DNAJB14: variants seen among roughly 807,000 people sequenced by gnomAD.
DNAJB14 encodes the protein dnaJ homolog subfamily B member 14.
DNAJB14 carries 22 observed loss-of-function variants against 48.4 expected under a neutral mutation model. The observed-to-expected ratio is 0.45, with a 90% CI of 0.32 to 0.65. The LOEUF (loss-of-function observed/expected upper bound fraction) is 0.65. DNAJB14 is among the 30% of genes least tolerant of loss of function. DNAJB14 has a pLI of 0.03. For missense variants in DNAJB14, 319 were observed against 458.8 expected, an observed-to-expected ratio of 0.70 and a Z score of 2.78; for synonymous variants, 142 against 158.7, an observed-to-expected ratio of 0.89 and a Z score of 0.79.
intron 1 of DNAJB14, among the ~76,000 whole-genome samples, chr4:99,939,304 G>T (rs1428664773): frequency 6.6e-6 from 1 of 152,248 alleles, no homozygotes; most frequent in East Asian, 1.9e-4. Context: ...GGAGGTTGCA[G>T]TGAGCCAGGA....
In DNAJB14 at chr4:99,897,068, T is replaced by A. The variant is rs1308624479; in HGVS notation, c.*3960A>T. The A allele has an allele frequency of 6.6e-6, 1 of 151,956 alleles. No individual in the cohort carries two copies. Among genetic ancestry groups the A allele is most frequent in the African/African-American group, 2.4e-5 (1 of 41,386 alleles). The allele number at this position is 151,956 out of a possible 1,614,324, so 9.4% of individuals were successfully genotyped here. ...CAACAAATAATTCACACCAATGAAA[T>A]TGTGTTGACTGATTTTCAAAGTCAG... On this transcript the variant is annotated 3_prime_UTR_variant, in exon 8 of 8. Coordinates refer to ENST00000442697, the MANE Select transcript of DNAJB14 (RefSeq NM_001031723.4).
chr4:99,924,659 A>C, intron 2 of DNAJB14: 1 of 1,492,518 alleles, frequency 6.7e-7, no homozygotes, highest in Non-Finnish European at 9.1e-7. Flanking sequence ...TAAACAAAAA[A>C]AGAGAATGAT....
Position 99,903,825 on chromosome 4 carries a change from T to C in DNAJB14, c.916A>G (p.Asn306Asp). Residue 306 changes from asparagine (N) to aspartate (D), a missense_variant, in exon 7 of 8, where the codon AAT becomes GAT. Transcript: ENST00000442697. The part of the protein sequence containing the change: ...VVYYVNKDFK[N>D]EYKGMLLQKV... ...TGTAATAACATTCCTTTATATTCAT[T>C]TTTGAAGTCCTTGTTGACATAATAA... 1 of 1,613,106 alleles carries C rather than the reference T, an allele frequency of 6.2e-7. No individual in the cohort carries two copies. The highest frequency in any genetic ancestry group is 8.5e-7 in the Non-Finnish European group (1 of 1,179,468).
chr4:99,932,220 A>G (rs1258191494), intron 1 of DNAJB14, among the ~76,000 whole-genome samples: 1 of 152,090 alleles, frequency 6.6e-6, no homozygotes, highest in Non-Finnish European at 1.5e-5. Context: ...GCTATAATCA[A>G]CAGAATGGAA....
intron 1 of DNAJB14, among the ~76,000 whole-genome samples, chr4:99,932,410 A>T (rs1157089503): frequency 6.6e-6 from 1 of 152,186 alleles, no homozygotes; most frequent in Admixed American, 6.5e-5. Flanking sequence ...ACAAAAAAAA[A>T]GTTGCTCAAC....
At chr4:99,901,260 G>A in intron 7 of DNAJB14, 108 bp from the exon 8 acceptor site, 6 of 1,001,716 alleles carry the variant, frequency 6.0e-6, no homozygotes, top group Admixed American at 3.8e-5. Context: ...TTGATTAACT[G>A]ACTTAAAAAA....
chr4:99,912,949 G>A (rs754939613), intron 3 of DNAJB14, among the ~76,000 whole-genome samples: 28 of 152,242 alleles, frequency 1.8e-4, no homozygotes, highest in African/African-American at 5.1e-4. Context: ...ATGTATGATT[G>A]TAAATGCTAA....
intron 2 of DNAJB14, chr4:99,927,161 TACA>T (rs960582289): frequency 3.3e-5 from 5 of 152,180 alleles, no homozygotes; most frequent in Non-Finnish European, 7.3e-5. Flanking sequence ...GGAAATAATG[TACA>T]ACAAGGCCAA....
chr4:99,908,658 G>A, intron 4 of DNAJB14, 53 bp downstream of exon 4: 2 of 1,323,912 alleles, frequency 1.5e-6, no homozygotes, highest in Non-Finnish European at 2.0e-6. Context: ...GTTAACTGGA[G>A]GTAAGACTAT....
At chr4:99,936,303 G>C (rs1726671793) in intron 1 of DNAJB14, among the ~76,000 whole-genome samples, 1 of 152,214 alleles carries the variant, frequency 6.6e-6, no homozygotes, top group Non-Finnish European at 1.5e-5. Flanking sequence ...CATGGAAATG[G>C]AGATGGCTGG....
chr4:99,937,289 C>G (rs962054387), intron 1 of DNAJB14, among the ~76,000 whole-genome samples: 1 of 151,978 alleles, frequency 6.6e-6, no homozygotes, highest in Non-Finnish European at 1.5e-5. Context: ...ACACTCCAGC[C>G]TGGGTGACAG....
intron 3 of DNAJB14, among the ~76,000 whole-genome samples, chr4:99,911,511 GTA>G (rs761352159): frequency 5.3e-5 from 8 of 151,880 alleles, no homozygotes; most frequent in Non-Finnish European, 1.0e-4. Context: ...CATTAACAAT[GTA>G]TGAGTGATCC....
intron 1 of DNAJB14, among the ~76,000 whole-genome samples, chr4:99,931,342 G>T (rs1279780675): frequency 6.6e-6 from 1 of 152,096 alleles, no homozygotes; most frequent in African/African-American, 2.4e-5. Context: ...GGGGTAGAAA[G>T]AATGTGAATG....
Position 99,923,068 on chromosome 4 carries a change from A to G in DNAJB14, c.423T>C (p.His141=). 6.2e-7 allele frequency: 1 copy of G among 1,609,800 alleles called. No homozygotes were observed. ...TAAAAGCATCTGTTGCTCCAGGTGC[A>G]TGGTTTTTGTCTGGATGAAACTTCA... ...LALKFHPDKN[H]APGATDAFKK... is the part of the protein sequence containing the mutation. Residue 141 remains histidine (H), a synonymous_variant, in exon 3 of 8, where the codon CAT becomes CAC. Coordinates refer to ENST00000442697, the MANE Select transcript of DNAJB14 (RefSeq NM_001031723.4).
At chr4:99,907,536 A>T (rs1299802834) in intron 4 of DNAJB14, among the ~76,000 whole-genome samples, 2 of 152,022 alleles carry the variant, frequency 1.3e-5, no homozygotes, top group African/African-American at 2.4e-5. Context: ...AAAATTAGCC[A>T]GACATGTGGT....
At chr4:99,908,182 TAA>T (rs1314788980) in intron 4 of DNAJB14, among the ~76,000 whole-genome samples, 1 of 148,990 alleles carries the variant, frequency 6.7e-6, no homozygotes. Context: ...ATAGTCTAGT[TAA>T]AGTTAGCTAT....
intron 1 of DNAJB14, among the ~76,000 whole-genome samples, chr4:99,945,321 C>T (rs1407555238): frequency 7.2e-5 from 11 of 152,162 alleles, no homozygotes; most frequent in African/African-American, 2.7e-4. Context: ...AAGCAAAGAG[C>T]ACAGGGCTTC....
At position 99,896,390 on chromosome 4, in the gene DNAJB14, TATAAC is replaced by T. The variant is rs1725148750; in HGVS notation, c.*4633_*4637del. The stretch of plus-strand genomic sequence containing the variant: ...CACAGAAAATTTTATGTAAGTCTGA[TATAAC>T]ATTAAATATTTTACAAATCAGACAT... On this transcript the variant is annotated 3_prime_UTR_variant, in exon 8 of 8. Coordinates refer to ENST00000442697, the MANE Select transcript of DNAJB14 (RefSeq NM_001031723.4). 6.6e-6 allele frequency: 1 copy of T among 152,216 alleles called. No individual in the cohort carries two copies. Among genetic ancestry groups the T allele is most frequent in the Non-Finnish European group, 1.5e-5 (1 of 68,026 alleles). 9.4% of individuals were successfully genotyped at this position (152,216 alleles called of 1,614,324 possible).
At chr4:99,915,155 T>C (rs144021214) in intron 3 of DNAJB14, among the ~76,000 whole-genome samples, 44 of 152,356 alleles carry the variant, frequency 2.9e-4, no homozygotes, top group African/African-American at 1.0e-3. Context: ...CCTCTCAGCA[T>C]TCCTTTAGCT....
Sources: allele counts gnomAD v4.1 joint callset (sites outside exome capture counted in the v4.1 genomes callset), GRCh38; gene constraint gnomAD v4.1.1; transcripts MANE v1.5; gene names NCBI Gene and HGNC (gene_info 2026-07-23, HGNC 2026-07-21).